Variants in LRFN5 observed in about 807,000 individuals in gnomAD.
The protein encoded by LRFN5 is leucine rich repeat and fibronectin type III domain containing 5.
Under a neutral mutation model 45.6 loss-of-function variants are expected in LRFN5, and 24 were observed. The observed-to-expected ratio is 0.53, with a 90% confidence interval of 0.38 to 0.74. The LOEUF (loss-of-function observed/expected upper bound fraction) is 0.74, where lower values mean the gene tolerates loss of function less well. LRFN5 is among the 30% of genes least tolerant of loss of function. The probability of loss-of-function intolerance (pLI) is 0.00; values close to 1 mark genes in which losing one functional copy is unlikely to be tolerated. For synonymous variants in LRFN5, 340 were observed against 313.8 expected (o/e 1.08, Z -0.88); for missense variants, 776 against 861.5 (o/e 0.90, Z 1.24).
chr14:41,741,457 C>T (rs1256225198), intron 1 of LRFN5, among the ~76,000 whole-genome samples: 1 of 151,768 alleles, frequency 6.6e-6, no homozygotes, highest in East Asian at 1.9e-4. Flanking sequence ...AAGACAATCA[C>T]TTCAATAAAT....
intron 1 of LRFN5, among the ~76,000 whole-genome samples, chr14:41,739,794 T>G (rs1884611721): frequency 6.6e-6 from 1 of 151,154 alleles, no homozygotes; most frequent in South Asian, 2.1e-4. Context: ...TTTCAAAAGA[T>G]AAAATTGACA....
rs959936335 is a variant in LRFN5, at chr14:41,607,389, T to C, written c.-1370T>C. 6.6e-6 allele frequency among the ~76,000 whole-genome samples: 1 copy of C among 151,974 alleles called. No individual in the cohort carries two copies. Among genetic ancestry groups the C allele is most frequent in the African/African-American group, 2.4e-5 (1 of 41,354 alleles). On this transcript the variant is annotated 5_prime_UTR_variant, in exon 1 of 6. Coordinates refer to ENST00000298119, the MANE Select transcript of LRFN5 (RefSeq NM_152447.5). Reference sequence around the variant, plus strand: ...ACACACTCAGAGGAGAGAGGAAGAATTGAAAGACTTGAGAAGACTTTGATA... The same window carrying C: ...ACACACTCAGAGGAGAGAGGAAGAACTGAAAGACTTGAGAAGACTTTGATA...
chr14:41,902,191 C>T (rs1183390513), intron 5 of LRFN5, among the ~76,000 whole-genome samples: 1 of 151,716 alleles, frequency 6.6e-6, no homozygotes, highest in East Asian at 1.9e-4. Flanking sequence ...TCTTTTAGTA[C>T]TGTTAATAAG....
chr14:41,895,057 A>G (rs1467137410), intron 4 of LRFN5: 1 of 984,540 alleles, frequency 1.0e-6, no homozygotes, highest in African/African-American at 1.7e-5. Context: ...ATGTGAGAAC[A>G]AACAAAATAA....
At chr14:41,675,291 A>C (rs1025407256) in intron 1 of LRFN5, among the ~76,000 whole-genome samples, 4 of 152,212 alleles carry the variant, frequency 2.6e-5, no homozygotes, top group African/African-American at 9.6e-5. Context: ...AGATCACGCC[A>C]CTGTGCTCCA....
intron 1 of LRFN5, chr14:41,701,212 A>G (rs566057052): frequency 2.0e-5 from 3 of 152,308 alleles, no homozygotes; most frequent in African/African-American, 7.2e-5. Flanking sequence ...TTATTTTATG[A>G]AGCATTTATC....
At chr14:41,767,558 G>T (rs567980447) in intron 2 of LRFN5, among the ~76,000 whole-genome samples, 1 of 152,178 alleles carries the variant, frequency 6.6e-6, no homozygotes, top group African/African-American at 2.4e-5. Flanking sequence ...TGAATGATAC[G>T]TTATCTGGGT....
chr14:41,874,386 G>A (rs1594484963), intron 2 of LRFN5, among the ~76,000 whole-genome samples: 1 of 152,112 alleles, frequency 6.6e-6, no homozygotes, highest in East Asian at 1.9e-4. Flanking sequence ...CTTTCCAAAA[G>A]GCACAGATAT....
At chr14:41,640,279 T>G (rs1286036239) in intron 1 of LRFN5, among the ~76,000 whole-genome samples, 1 of 152,138 alleles carries the variant, frequency 6.6e-6, no homozygotes, top group Non-Finnish European at 1.5e-5. Flanking sequence ...TTGCTTTGCC[T>G]TAGGCTGTTA....
rs199636448 is a variant in LRFN5 at position 41,877,152 on chromosome 14, C to T, written c.-20-9454C>T. ...AACTGCCTTTTGTTTACTTTCTATACGACTGTGAGAATATCGCTTACATTT... is the reference window on the plus strand; with the variant it reads ...AACTGCCTTTTGTTTACTTTCTATATGACTGTGAGAATATCGCTTACATTT... On this transcript the variant is annotated intron_variant, in intron 2 of 5. Transcript: ENST00000298119. 1.3e-4 allele frequency among the ~76,000 whole-genome samples: 20 copies of T among 152,198 alleles called. No individual in the cohort carries two copies. The East Asian group carries it at 3.5e-3, about 26-fold the overall frequency.
chr14:41,788,374 G>GT (rs5808152), intron 2 of LRFN5, among the ~76,000 whole-genome samples: 1 of 151,342 alleles, frequency 6.6e-6, no homozygotes, highest in African/African-American at 2.4e-5. Flanking sequence ...ATCTTTTCTG[G>GT]TTTTTTGTCC....
At chr14:41,867,083 ATTACT>A (rs1238007268) in intron 2 of LRFN5, among the ~76,000 whole-genome samples, 3 of 152,098 alleles carry the variant, frequency 2.0e-5, no homozygotes, top group Non-Finnish European at 4.4e-5. Context: ...AATTATATAC[ATTACT>A]TTAAGACCAG....
intron 2 of LRFN5, among the ~76,000 whole-genome samples, chr14:41,829,653 T>C (rs1331603084): frequency 1.3e-5 from 2 of 151,936 alleles, no homozygotes; most frequent in African/African-American, 4.8e-5. Flanking sequence ...TCCCTTTCAT[T>C]AAGTGGTTAT....
At chr14:41,793,701 A>G (rs899107423) in intron 2 of LRFN5, among the ~76,000 whole-genome samples, 7 of 106,800 alleles carry the variant, frequency 6.6e-5, no homozygotes, top group South Asian at 2.7e-4. Context: ...TACTCCTAAG[A>G]AAAAAAAAAA....
At chr14:41,611,699 C>T (rs1189311379) in intron 1 of LRFN5, among the ~76,000 whole-genome samples, 1 of 152,172 alleles carries the variant, frequency 6.6e-6, no homozygotes, top group African/African-American at 2.4e-5. Flanking sequence ...TCACATACGT[C>T]TCTCCTTCCC....
intron 1 of LRFN5, among the ~76,000 whole-genome samples, chr14:41,648,928 G>C (rs1879950321): frequency 6.6e-6 from 1 of 152,070 alleles, no homozygotes; most frequent in African/African-American, 2.4e-5. Flanking sequence ...ATTAAATATT[G>C]GTGAAAAGTT....
At chr14:41,782,358 T>C (rs1236076939) in intron 2 of LRFN5, among the ~76,000 whole-genome samples, 1 of 152,160 alleles carries the variant, frequency 6.6e-6, no homozygotes, top group East Asian at 1.9e-4. Context: ...TCTGTTACAA[T>C]ATTTTAATTT....
At chr14:41,827,607 A>C (rs572069611) in intron 2 of LRFN5, among the ~76,000 whole-genome samples, 1 of 152,126 alleles carries the variant, frequency 6.6e-6, no homozygotes, top group Non-Finnish European at 1.5e-5. Context: ...TCTGGGCACC[A>C]TCTGATATTA....
chr14:41,821,733 T>C (rs1257707182), intron 2 of LRFN5, among the ~76,000 whole-genome samples: 1 of 150,668 alleles, frequency 6.6e-6, no homozygotes, highest in Non-Finnish European at 1.5e-5. Flanking sequence ...TCTATAGAAA[T>C]TGGCTGTGAA....
Sources: gnomAD v4.1 joint callset for allele counts (sites outside exome capture counted in the v4.1 genomes callset) on GRCh38, gnomAD v4.1.1 for gene constraint, MANE v1.5 for transcripts, NCBI Gene and HGNC (gene_info 2026-07-23, HGNC 2026-07-21) for gene names.